Variants in KRT84 observed in about 807,000 individuals in gnomAD.
The protein encoded by KRT84 is keratin 84, also known as keratin, type II cuticular Hb4.
KRT84 carries 38 observed loss-of-function variants against 49.0 expected under a neutral mutation model. The ratio of observed to expected loss-of-function variants is 0.78; its 90% CI spans 0.60 to 1.02. The LOEUF (loss-of-function observed/expected upper bound fraction) is 1.02, where lower values mean the gene tolerates loss of function less well. Among genes scored for constraint, KRT84 ranks in the 50% least tolerant of loss-of-function variants. KRT84 has a pLI of 0.00. For missense variants in KRT84, 860 were observed against 788.6 expected (o/e 1.09, Z -1.08); for synonymous variants, 334 against 312.8 (o/e 1.07, Z -0.72).
At chr12:52,382,597 C>A in intron 3 of KRT84, 65 bp from the exon 4 acceptor site, 1 of 1,328,824 alleles carries the variant, frequency 7.5e-7, no homozygotes, top group South Asian at 1.2e-5. Context: ...CCACCTGTGT[C>A]TGGAGATGGG....
chr12:52,381,010 T>C (rs770944008), intron 6 of KRT84, 70 bp downstream of exon 6: 3 of 1,581,744 alleles, frequency 1.9e-6, no homozygotes, highest in African/African-American at 1.3e-5. Context: ...CTCATTAGAC[T>C]TGGGGGTTCC....
At chr12:52,386,480 C>T (rs1472784266), upstream of KRT84, among the ~76,000 whole-genome samples, 2 of 151,086 alleles carry the variant, frequency 1.3e-5, no homozygotes, top group Non-Finnish European at 2.9e-5. Flanking sequence ...CCTCCGCCTC[C>T]CAGATAGCTG....
In KRT84 at chr12:52,383,648, C is replaced by A. The variant is rs754405597; in HGVS notation, c.697G>T (p.Ala233Ser). The change falls in exon 2 of 9, where the codon GCC becomes TCC. Residue 233 changes from alanine (A) to serine (S), a missense_variant. Ala to Ser is a moderately conservative substitution (Grantham distance 99). Coordinates refer to ENST00000257951, the MANE Select transcript of KRT84 (RefSeq NM_033045.4). The part of the protein sequence containing the change: ...RQLEVLVSDQ[A>S]RLQAERNHLQ... ...TGGTTCCTCTCAGCCTGGAGCCGGGCCTGATCACTGACCAGCACCTCCAAC... is the reference window on the plus strand; with the variant it reads ...TGGTTCCTCTCAGCCTGGAGCCGGGACTGATCACTGACCAGCACCTCCAAC... 3.1e-6 allele frequency: 5 copies of A among 1,613,932 alleles called. No individual in the cohort carries two copies. Among genetic ancestry groups the A allele is most frequent in the South Asian group, 1.1e-5 (1 of 91,072 alleles).
Position 52,378,361 on chromosome 12 carries a change from G to C in KRT84, c.1476C>G (p.Gly492=). The change falls in exon 9 of 9, where the codon GGC becomes GGG. Residue 492 remains glycine (G), a synonymous_variant. Transcript: ENST00000257951. Reference sequence around the variant, plus strand: ...AAGGCTCAGGCCCGCACACCAGGCCGCCCCGGGAGCTGCTGACGGCTGCGG... The same window carrying C: ...AAGGCTCAGGCCCGCACACCAGGCCCCCCCGGGAGCTGCTGACGGCTGCGG... ...PVNISVSSSR[G]GLVCGPEPLV... 6.8e-7 allele frequency: 1 copy of C among 1,469,894 alleles called. No homozygotes were observed. Among genetic ancestry groups the C allele is most frequent in the Admixed American group, 2.4e-5 (1 of 41,192 alleles). The allele number at this position is 1,469,894 out of a possible 1,614,324, so 91.1% of individuals were successfully genotyped here. A position where few individuals can be genotyped will look rare whatever the true frequency, so the allele number is the denominator to read the frequency against.
Position 52,378,003 on chromosome 12 carries a change from C to T in KRT84, c.*31G>A. 7.1e-7 allele frequency: 1 copy of T among 1,401,332 alleles called. No individual in the cohort carries two copies. The highest frequency in any genetic ancestry group is 9.3e-7 in the Non-Finnish European group (1 of 1,072,056). 86.8% of individuals were successfully genotyped at this position (1,401,332 alleles called of 1,614,324 possible). On this transcript the variant is annotated 3_prime_UTR_variant, in exon 9 of 9. Transcript: ENST00000257951. ...AGCAGGAGCCGTGGAGCTGGTTCTTCTCTGGGCAGCAGCTGTCTGGGGCTG... is the reference window on the plus strand; with the variant it reads ...AGCAGGAGCCGTGGAGCTGGTTCTTTTCTGGGCAGCAGCTGTCTGGGGCTG...
In KRT84 at chr12:52,379,854, G is replaced by C. The variant is rs751120736; in HGVS notation, c.1456+22C>G. The C allele has an allele frequency of 6.3e-6, 10 of 1,597,322 alleles. No homozygotes were observed. The South Asian group carries it at 9.9e-5, about 16-fold the overall frequency. On this transcript the variant is annotated intron_variant, in intron 8 of 8. Transcript: ENST00000257951. ...TTTGAAGAGGAGAGAAATGTGTGAA[G>C]AGGAAAAAACAAGTTTCTTACATAT...
chr12:52,378,145 G>T lies in KRT84; in HGVS notation c.1692C>A (p.Pro564=). The T allele has an allele frequency of 6.4e-7, 1 of 1,569,440 alleles. No individual in the cohort carries two copies. Residue 564 remains proline (P), a synonymous_variant, in exon 9 of 9, where the codon CCC becomes CCA. Transcript: ENST00000257951. ...GSMLISEACV[P]SVPCPLPTQG... is the part of the protein sequence containing the mutation. ...GGGTGGGCAGGGGGCAGGGGACGCT[G>T]GGGACACAGGCCTCGCTGATGAGCA... is the stretch of plus-strand genomic sequence containing the variant.
At chr12:52,382,588 C>G in intron 3 of KRT84, 56 bp from the exon 4 acceptor site, 1 of 1,404,480 alleles carries the variant, frequency 7.1e-7, no homozygotes, top group Non-Finnish European at 1.0e-6. Context: ...TTCACCTTCC[C>G]ACCTGTGTCT....
chr12:52,382,704 C>A (rs775671554), intron 3 of KRT84, among the ~76,000 whole-genome samples, 172 bp from the exon 4 acceptor site: 1 of 152,168 alleles, frequency 6.6e-6, no homozygotes, highest in Non-Finnish European at 1.5e-5. Flanking sequence ...TGCCAACATT[C>A]CCCCAGGGGC....
chr12:52,384,387 A>G (rs1939538714), intron 1 of KRT84, among the ~76,000 whole-genome samples: 1 of 152,168 alleles, frequency 6.6e-6, no homozygotes, highest in Non-Finnish European at 1.5e-5. Context: ...CCACATAGAC[A>G]TGGTGTGTGG....
Position 52,383,586 on chromosome 12 carries a change from T to G in KRT84, c.755+4A>C. 1 of 1,610,716 alleles carries G rather than the reference T, an allele frequency of 6.2e-7. No individual in the cohort carries two copies. Among genetic ancestry groups the G allele is most frequent in the Non-Finnish European group, 8.5e-7 (1 of 1,178,726 alleles). On this transcript the variant is annotated splice_donor_region_variant and intron_variant, in intron 2 of 8. Coordinates refer to ENST00000257951, the MANE Select transcript of KRT84 (RefSeq NM_033045.4). ...CTGGTCTGTGCAGCTCAGATGTCAC[T>G]CACTTCTTCTTGAAGCCCTCTAGGA... is the stretch of plus-strand genomic sequence containing the variant.
intron 4 of KRT84, among the ~76,000 whole-genome samples, chr12:52,381,786 A>T (rs1939489813): frequency 6.6e-6 from 1 of 152,176 alleles, no homozygotes; most frequent in Non-Finnish European, 1.5e-5. Flanking sequence ...AACCATGGGG[A>T]TCTAAGAACA....
intron 4 of KRT84, 39 bp from the exon 5 acceptor site, chr12:52,381,564 C>T (rs1382784955): frequency 6.2e-7 from 1 of 1,601,292 alleles, no homozygotes; most frequent in Admixed American, 1.7e-5. Context: ...TGCTTAGAGT[C>T]TCATTTAGTA....
Position 52,385,576 on chromosome 12 carries a change from G to C in KRT84, c.10C>G (p.Arg4Gly), listed in dbSNP as rs73094990. The C allele has an allele frequency of 1.2e-6, 2 of 1,612,630 alleles. No individual in the cohort carries two copies. The highest frequency in any genetic ancestry group is 2.2e-5 in the South Asian group (2 of 91,038). ...TGACCAGAGCTGACTCGGTAGGAGC[G>C]GCAAGACATGATGGCTTCCTGGTTG... Reference protein sequence around the residue: MSCRSYRVSSGHRV... With the variant: MSCGSYRVSSGHRV... Residue 4 changes from arginine to glycine, a missense_variant, in exon 1 of 9, where the codon CGC (arginine) becomes GGC (glycine). By Grantham distance (125) the Arg-to-Gly change is moderately radical. Transcript: ENST00000257951.
Position 52,383,703 on chromosome 12 carries a change from G to A in KRT84, c.642C>T (p.Phe214=), listed in dbSNP as rs1003195648. 1.7e-5 allele frequency: 27 copies of A among 1,614,160 alleles called. No individual in the cohort carries two copies. The highest frequency in any genetic ancestry group is 2.1e-5 in the Non-Finnish European group (25 of 1,180,014). ...TCCGCAGGTTGGTGATGTAGCTCTC[G>A]AAGAGTGGCTCCAGATTGCTCCTGA... The part of the protein sequence containing the change: ...KCIRSNLEPL[F]ESYITNLRRQ... The change falls in exon 2 of 9, where the codon TTC becomes TTT. Residue 214 remains phenylalanine (F), a synonymous_variant. Coordinates refer to ENST00000257951, the MANE Select transcript of KRT84 (RefSeq NM_033045.4).
chr12:52,380,434 C>T lies in KRT84; in HGVS notation c.1353G>A (p.Leu451=). 1 of 1,614,234 alleles carries T rather than the reference C, an allele frequency of 6.2e-7. No homozygotes were observed. The highest frequency in any genetic ancestry group is 8.5e-7 in the Non-Finnish European group (1 of 1,180,026). The change falls in exon 7 of 9, where the codon CTG becomes CTA. Residue 451 remains leucine, a synonymous_variant. Transcript: ENST00000257951. ...MARQLCEYQE[L]MNAKLGLDIE... ...TGTCCAGGCCCAGCTTGGCATTCAT[C>T]AGCTCCTGGTACTCGCACAGCTGCC...
chr12:52,378,883 C>T (rs922330191), intron 8 of KRT84, among the ~76,000 whole-genome samples: 3 of 152,212 alleles, frequency 2.0e-5, no homozygotes, highest in Admixed American at 6.5e-5. Flanking sequence ...TGCTCTGTAG[C>T]CCTCTGCTCT....
Position 52,380,552 on chromosome 12 carries a change from G to T in KRT84, c.1235C>A (p.Ala412Asp). Residue 412 changes from alanine (A) to aspartate (D), a missense_variant, in exon 7 of 9, where the codon GCC becomes GAC. Ala to Asp is a moderately radical substitution (Grantham distance 126, BLOSUM62 -2). Coordinates refer to ENST00000257951, the MANE Select transcript of KRT84 (RefSeq NM_033045.4). Reference protein sequence around the residue: ...RAKLEAAVAEAEQQGEATLSD... With the variant: ...RAKLEAAVAEDEQQGEATLSD... ...GAGGGTCGCCTCGCCCTGCTGCTCG[G>T]CCTCGGCCACTGCAGCCTCCAACTT... is the stretch of plus-strand genomic sequence containing the variant. 6.2e-7 allele frequency: 1 copy of T among 1,613,408 alleles called. No individual in the cohort carries two copies.
intron 6 of KRT84, among the ~76,000 whole-genome samples, 200 bp downstream of exon 6, chr12:52,380,880 T>G (rs1288108441): frequency 6.6e-6 from 1 of 152,182 alleles, no homozygotes; most frequent in African/African-American, 2.4e-5. Context: ...CTGGGTCTGC[T>G]CTAGCCCTTT....
Sources: gnomAD v4.1 joint callset for allele counts (sites outside exome capture counted in the v4.1 genomes callset) on GRCh38, gnomAD v4.1.1 for gene constraint, MANE v1.5 for transcripts, NCBI Gene and HGNC (gene_info 2026-07-23, HGNC 2026-07-21) for gene names.